The following GOLIM4 variants were observed in gnomAD, a reference collection of about 807,000 sequenced individuals.
The protein encoded by GOLIM4 is 130 kDa golgi-localized phosphoprotein.
In GOLIM4, 71 loss-of-function variants were observed where a neutral mutation model predicts 107.4. The observed-to-expected ratio is 0.66, with a 90% CI of 0.55 to 0.81. The LOEUF (loss-of-function observed/expected upper bound fraction) is 0.81, where lower values mean the gene tolerates loss of function less well. Ranked by LOEUF, GOLIM4 falls within the 30% of genes least tolerant of loss-of-function variation. GOLIM4 has a pLI of 0.00. For missense variants in GOLIM4, 830 were observed against 826.1 expected (o/e 1.00, Z -0.06); for synonymous variants, 327 against 294.8 (o/e 1.11, Z -1.12).
At chr3:168,041,506 GC>G in intron 5 of GOLIM4, 32 bp from the exon 6 acceptor site, 5 of 1,024,990 alleles carry the variant, frequency 4.9e-6, no homozygotes, top group Non-Finnish European at 7.6e-6. Context: ...CACACATAAA[GC>G]CTTGAAACTT....
intron 1 of GOLIM4, among the ~76,000 whole-genome samples, chr3:168,058,782 C>A (rs570191276): frequency 1.3e-5 from 2 of 152,204 alleles, no homozygotes; most frequent in South Asian, 4.1e-4. Flanking sequence ...ATACTATATT[C>A]TCAAAGACAT....
In GOLIM4 at chr3:168,040,868, T is replaced by C; in HGVS notation, c.602A>G (p.Gln201Arg). The change falls in exon 7 of 16, where the codon CAA becomes CGA. Residue 201 changes from glutamine to arginine, a missense_variant and splice_region_variant. Gln to Arg is a conservative substitution (Grantham distance 43). Transcript: ENST00000470487. ...DIHTQLQDVKQQHKNLLSEHE... is the reference protein window; with the variant it reads ...DIHTQLQDVKRQHKNLLSEHE... Reference sequence around the variant, plus strand: ...CTCGGAGAGTAAATTCTTATGCTGTTGCTACACAAAAAAGAATTTTACATG... The same window carrying C: ...CTCGGAGAGTAAATTCTTATGCTGTCGCTACACAAAAAAGAATTTTACATG... The C allele has an allele frequency of 1.2e-6, 2 of 1,607,258 alleles. No homozygotes were observed. Among genetic ancestry groups the C allele is most frequent in the Non-Finnish European group, 1.7e-6 (2 of 1,174,064 alleles).
chr3:168,024,439 G>A, intron 14 of GOLIM4, 87 bp downstream of exon 14: 2 of 1,002,218 alleles, frequency 2.0e-6, no homozygotes, highest in South Asian at 1.3e-5. Flanking sequence ...TGGAAGGCAT[G>A]TCAAAGTCAA....
chr3:168,045,187 A>G (rs1217623048), intron 3 of GOLIM4, among the ~76,000 whole-genome samples: 2 of 152,184 alleles, frequency 1.3e-5, no homozygotes, highest in East Asian at 3.8e-4. Context: ...GAGCCCAGAC[A>G]TACGAACTTG....
At chr3:168,028,391 A>G (rs1005630923) in intron 11 of GOLIM4, among the ~76,000 whole-genome samples, 1 of 152,216 alleles carries the variant, frequency 6.6e-6, no homozygotes, top group African/African-American at 2.4e-5. Flanking sequence ...TTTTTGAAAA[A>G]ATATTTAGAT....
In GOLIM4 at chr3:168,084,957, TA is replaced by T. The variant is rs879791386; in HGVS notation, c.187+10141del. 8.0e-3 allele frequency among the ~76,000 whole-genome samples: 1,166 copies of T among 144,896 alleles called. 4 individuals carry two copies. Among genetic ancestry groups the T allele is most frequent in the African/African-American group, 0.015 (612 of 39,678 alleles). On this transcript the variant is annotated intron_variant, in intron 1 of 15. Coordinates refer to ENST00000470487, the MANE Select transcript of GOLIM4 (RefSeq NM_014498.5). ...CAGTCACTTATAGTTACATGGAAAT[TA>T]AAAAAAAAAAAATGTGCCAGATGAA...
At chr3:168,085,901 A>T (rs1212925656) in intron 1 of GOLIM4, among the ~76,000 whole-genome samples, 5 of 152,042 alleles carry the variant, frequency 3.3e-5, no homozygotes, top group African/African-American at 1.2e-4. Context: ...AGGGCAGGTA[A>T]TTTGACTCTG....
chr3:168,055,254 C>T (rs1017410047), intron 1 of GOLIM4, among the ~76,000 whole-genome samples: 2 of 152,176 alleles, frequency 1.3e-5, no homozygotes, highest in Non-Finnish European at 2.9e-5. Flanking sequence ...CAGTTTGGAA[C>T]TCCCTAGAGA....
intron 1 of GOLIM4, 110 bp from the exon 2 acceptor site, chr3:168,048,475 A>C: frequency 1.6e-6 from 1 of 612,520 alleles, no homozygotes; most frequent in Non-Finnish European, 2.9e-6. Flanking sequence ...TACACAATTT[A>C]AATAAAAACA....
At chr3:168,015,231 T>A (rs1717295365) in intron 14 of GOLIM4, among the ~76,000 whole-genome samples, 1 of 126,674 alleles carries the variant, frequency 7.9e-6, no homozygotes, top group South Asian at 2.2e-4. Context: ...TCACAAGCAT[T>A]CTTACACACC....
At chr3:168,093,201 C>T (rs1226382873) in intron 1 of GOLIM4, among the ~76,000 whole-genome samples, 1 of 152,192 alleles carries the variant, frequency 6.6e-6, no homozygotes, top group Non-Finnish European at 1.5e-5. Context: ...CAATATCCAT[C>T]GTCCATCATA....
Position 168,043,534 on chromosome 3 carries a change from A to C in GOLIM4, c.367-5T>G. On this transcript the variant is annotated splice_polypyrimidine_tract_variant and splice_region_variant and intron_variant, in intron 4 of 15. Transcript: ENST00000470487. Reference sequence around the variant, plus strand: ...CTTTAGCTCCTCGTGTTGGCTCTGCAAAGATGAAAACTTGAGTAGAAATAT... The same window carrying C: ...CTTTAGCTCCTCGTGTTGGCTCTGCCAAGATGAAAACTTGAGTAGAAATAT... The C allele has an allele frequency of 6.3e-7, 1 of 1,596,642 alleles. No homozygotes were observed. The highest frequency in any genetic ancestry group is 8.5e-7 in the Non-Finnish European group (1 of 1,175,086).
chr3:168,080,963 C>T (rs185020622), intron 1 of GOLIM4, among the ~76,000 whole-genome samples: 1 of 152,174 alleles, frequency 6.6e-6, no homozygotes, highest in East Asian at 1.9e-4. Context: ...GACTTTGACA[C>T]CTGGAATCTA....
intron 12 of GOLIM4, among the ~76,000 whole-genome samples, chr3:168,025,483 T>C (rs376680416): frequency 4.2e-4 from 64 of 152,340 alleles, no homozygotes; most frequent in African/African-American, 1.5e-3. Flanking sequence ...ATTAACTCTT[T>C]TTGCTATGTT....
intron 14 of GOLIM4, among the ~76,000 whole-genome samples, chr3:168,011,421 C>G (rs1295074759): frequency 6.6e-6 from 1 of 152,182 alleles, no homozygotes; most frequent in Non-Finnish European, 1.5e-5. Context: ...TGATTGCCAG[C>G]ACAGCAGTCT....
At chr3:168,089,049 T>G (rs1438039326) in intron 1 of GOLIM4, among the ~76,000 whole-genome samples, 1 of 152,224 alleles carries the variant, frequency 6.6e-6, no homozygotes, top group Non-Finnish European at 1.5e-5. Flanking sequence ...TGAAATCGAT[T>G]ATAGATTATG....
intron 1 of GOLIM4, among the ~76,000 whole-genome samples, chr3:168,058,566 T>C (rs531514092): frequency 6.6e-6 from 1 of 152,298 alleles, no homozygotes; most frequent in East Asian, 1.9e-4. Flanking sequence ...GTTACTCTTA[T>C]ACAAAAGCTT....
chr3:168,030,123 G>T, intron 9 of GOLIM4, 87 bp from the exon 10 acceptor site: 1 of 1,325,996 alleles, frequency 7.5e-7, no homozygotes. Flanking sequence ...AAACTCAGGA[G>T]GCAGAGCTGG....
intron 1 of GOLIM4, among the ~76,000 whole-genome samples, chr3:168,081,983 C>CT (rs1297906538): frequency 2.0e-5 from 3 of 152,100 alleles, no homozygotes; most frequent in Non-Finnish European, 4.4e-5. Context: ...AACTCTGCCA[C>CT]TTACAGTCAT....
Sources: gnomAD v4.1 joint callset for allele counts (sites outside exome capture counted in the v4.1 genomes callset) on GRCh38, gnomAD v4.1.1 for gene constraint, MANE v1.5 for transcripts, NCBI Gene and HGNC (gene_info 2026-07-23, HGNC 2026-07-21) for gene names.